The following CROCC variants were observed in gnomAD, a reference collection of about 807,000 sequenced individuals.
The protein encoded by CROCC is ciliary rootlet coiled-coil, rootletin, also known as rootletin.
A neutral mutation model predicts 245.2 loss-of-function variants in CROCC; 180 were observed. The observed-to-expected ratio is 0.73, with a 90% confidence interval of 0.65 to 0.83. The LOEUF (loss-of-function observed/expected upper bound fraction) is 0.83, where lower values mean the gene tolerates loss of function less well. CROCC is among the 40% of genes least tolerant of loss of function. The pLI is 0.00. For synonymous variants in CROCC, 1,205 were observed against 1,241.6 expected (o/e 0.97, Z 0.62); for missense variants, 2,688 against 2,779.4 (o/e 0.97, Z 0.74).
chr1:16,963,941 G>A (rs1311555747), intron 27 of CROCC, among the ~76,000 whole-genome samples: 10 of 151,704 alleles, frequency 6.6e-5, no homozygotes, highest in South Asian at 4.2e-4. Flanking sequence ...GACTACAGGC[G>A]TGCACCACTG....
intron 27 of CROCC, among the ~76,000 whole-genome samples, chr1:16,962,724 A>G (rs1298776065): frequency 6.7e-6 from 1 of 148,418 alleles, no homozygotes; most frequent in Non-Finnish European, 1.5e-5. Context: ...ATATACATAT[A>G]TATATATGTA....
intron 4 of CROCC, 21 bp from the exon 5 acceptor site, chr1:16,930,103 C>G: frequency 6.3e-7 from 1 of 1,581,698 alleles, no homozygotes; most frequent in Non-Finnish European, 8.6e-7. Flanking sequence ...CTGGGGCTCA[C>G]CATCAGCTCC....
chr1:16,925,585 G>T (rs1383665630), intron 3 of CROCC, among the ~76,000 whole-genome samples: 1 of 152,288 alleles, frequency 6.6e-6, no homozygotes, highest in Non-Finnish European at 1.5e-5. Context: ...GGGACCCAGA[G>T]AGGCAGGGGC....
At chr1:16,944,595 T>C (rs2076006212) in intron 14 of CROCC, among the ~76,000 whole-genome samples, 1 of 152,302 alleles carries the variant, frequency 6.6e-6, no homozygotes, top group Admixed American at 6.5e-5. Flanking sequence ...ATATCCTTAC[T>C]AATTTCACTA....
At chr1:16,924,263 G>GTT (rs1459648316) in intron 2 of CROCC, 62 bp from the exon 3 acceptor site, 2 of 1,582,150 alleles carry the variant, frequency 1.3e-6, no homozygotes, top group Non-Finnish European at 1.7e-6. Context: ...TGCCCTCCCT[G>GTT]TTGGGGGGAG....
At position 16,954,819 on chromosome 1, in the gene CROCC, G is replaced by A; in HGVS notation, c.3407G>A (p.Arg1136Lys). The A allele has an allele frequency of 6.4e-7, 1 of 1,551,806 alleles. No homozygotes were observed. The highest frequency in any genetic ancestry group is 1.2e-5 in the South Asian group (1 of 84,250). Residue 1136 changes from arginine to lysine, a missense_variant, in exon 23 of 37, where the codon AGG becomes AAG. Coordinates refer to ENST00000375541, the MANE Select transcript of CROCC (RefSeq NM_014675.5). This position sits in a 1 kb window ranked among gnomAD's most constrained non-coding sequence, Gnocchi z 4.4. ...EAAAAHAQEVRRLQEQARDLG... is the reference protein window; with the variant it reads ...EAAAAHAQEVKRLQEQARDLG... Reference sequence around the variant, plus strand: ...GCTGCGGCCCACGCCCAGGAGGTGAGGAGGCTGCAAGAGCAGGCCCGAGAC... The same window carrying A: ...GCTGCGGCCCACGCCCAGGAGGTGAAGAGGCTGCAAGAGCAGGCCCGAGAC...
At chr1:16,947,257 A>G (rs1271065732) in intron 17 of CROCC, among the ~76,000 whole-genome samples, 1 of 152,260 alleles carries the variant, frequency 6.6e-6, no homozygotes, top group African/African-American at 2.4e-5. Flanking sequence ...CGGGTGGATC[A>G]CCTGAGGTCC....
upstream of CROCC, among the ~76,000 whole-genome samples, chr1:16,921,082 G>A (rs1489887777): frequency 6.6e-6 from 1 of 152,286 alleles, no homozygotes; most frequent in Non-Finnish European, 1.5e-5. Flanking sequence ...AATGAAATGA[G>A]TATTTCTTGA....
Position 16,972,516 on chromosome 1 carries a change from C to A in CROCC, c.*70C>A, listed in dbSNP as rs555547135. 2.1e-5 allele frequency: 22 copies of A among 1,027,932 alleles called. No homozygotes were observed. The South Asian group carries it at 2.2e-4, about 10-fold the overall frequency. 63.7% of individuals were successfully genotyped at this position (1,027,932 alleles called of 1,614,324 possible). A position where few individuals can be genotyped will look rare whatever the true frequency, so the allele number is the denominator to read the frequency against. ...GAGGACCCTTCTTTTGGACAGCCCC[C>A]CCACCCAGAGCCCGGTCCCTTGGGG... On this transcript the variant is annotated 3_prime_UTR_variant, in exon 37 of 37. Coordinates refer to ENST00000375541, the MANE Select transcript of CROCC (RefSeq NM_014675.5).
chr1:16,968,440 A>G (rs1466118439), intron 31 of CROCC, 22 bp downstream of exon 31: 7 of 1,461,934 alleles, frequency 4.8e-6, no homozygotes, highest in South Asian at 2.9e-5. Flanking sequence ...CCCAAATCAC[A>G]GCCACAGTGT....
intron 8 of CROCC, among the ~76,000 whole-genome samples, chr1:16,935,878 C>T (rs1035691117): frequency 1.3e-5 from 2 of 152,262 alleles, no homozygotes; most frequent in Non-Finnish European, 2.9e-5. Context: ...AAGCCATCTC[C>T]TCTGTGCTGG....
At chr1:16,916,341 A>G (rs1021053530) in intron 1 of CROCC, among the ~76,000 whole-genome samples, 1 of 152,254 alleles carries the variant, frequency 6.6e-6, no homozygotes, top group Non-Finnish European at 1.5e-5. Context: ...GAGGGGTATG[A>G]CCTTTACTGT....
chr1:16,920,945 T>G (rs1468415786), upstream of CROCC, among the ~76,000 whole-genome samples: 1 of 152,252 alleles, frequency 6.6e-6, no homozygotes, highest in Non-Finnish European at 1.5e-5. Context: ...GGTTTCACCA[T>G]ATTGGTCAGG....
intron 11 of CROCC, 48 bp from the exon 12 acceptor site, chr1:16,938,861 C>G (rs373419893): frequency 1.3e-6 from 2 of 1,564,330 alleles, no homozygotes; most frequent in Admixed American, 1.8e-5. Flanking sequence ...GCTAACCCCG[C>G]GGTTCCTAAC....
Position 16,958,753 on chromosome 1 carries a change from A to G in CROCC, c.4032+3A>G, listed in dbSNP as rs1479888245. On this transcript the variant is annotated splice_donor_region_variant and intron_variant, in intron 26 of 36. Transcript: ENST00000375541. Reference sequence around the variant, plus strand: ...GCCTGGAGGTGATGCGGCAGGAGGTAACTGAGCAGGCGGGCAGGCTGGTGC... The same window carrying G: ...GCCTGGAGGTGATGCGGCAGGAGGTGACTGAGCAGGCGGGCAGGCTGGTGC... 4 of 1,557,068 alleles carry G rather than the reference A, an allele frequency of 2.6e-6. No homozygotes were observed. Among genetic ancestry groups the G allele is most frequent in the Admixed American group, 3.9e-5 (2 of 51,704 alleles).
intron 8 of CROCC, among the ~76,000 whole-genome samples, chr1:16,935,037 T>C (rs1271942654): frequency 6.6e-5 from 10 of 152,172 alleles, no homozygotes; most frequent in African/African-American, 2.4e-4. Context: ...GTAGCTGGGA[T>C]TACAGGCATG....
intron 28 of CROCC, 27 bp from the exon 29 acceptor site, chr1:16,965,972 C>G (rs759656149): frequency 6.2e-7 from 1 of 1,608,314 alleles, no homozygotes; most frequent in South Asian, 1.1e-5. Flanking sequence ...AGGGGTCTGT[C>G]TTTGTTCCCC....
Position 16,939,908 on chromosome 1 carries a change from C to T in CROCC, c.1623C>T (p.Arg541=), listed in dbSNP as rs371675635. The change falls in exon 13 of 37, where the codon CGC becomes CGT. Residue 541 remains arginine, a synonymous_variant. Transcript: ENST00000375541. ...RQLQVQDMRG[R]YEASQDLLGT... ...CCACACCCCAGGACATGCGTGGGCG[C>T]TATGAGGCAAGCCAGGACCTACTGG... 14 of 1,612,248 alleles carry T rather than the reference C, an allele frequency of 8.7e-6. No individual in the cohort carries two copies. Among genetic ancestry groups the T allele is most frequent in the Non-Finnish European group, 1.2e-5 (14 of 1,179,788 alleles).
At position 16,955,353 on chromosome 1, in the gene CROCC, C is replaced by G; in HGVS notation, c.3507C>G (p.Ala1169=). 6.2e-7 allele frequency: 1 copy of G among 1,608,416 alleles called. No individual in the cohort carries two copies. Among genetic ancestry groups the G allele is most frequent in the Non-Finnish European group, 8.5e-7 (1 of 1,179,688 alleles). Residue 1169 remains alanine, a synonymous_variant, in exon 24 of 37, where the codon GCC becomes GCG. Transcript: ENST00000375541. ...CCCAGCTGCGTCTGCTGGAGGATGCCCGTGACGGGCTGCGGCGGGAGCTGC... is the reference window on the plus strand; with the variant it reads ...CCCAGCTGCGTCTGCTGGAGGATGCGCGTGACGGGCTGCGGCGGGAGCTGC... ...LRTQLRLLED[A]RDGLRRELLE... is the part of the protein sequence containing the mutation.
Sources: gnomAD v4.1 joint callset for allele counts (sites outside exome capture counted in the v4.1 genomes callset) on GRCh38, gnomAD v4.1.1 for gene constraint, Gnocchi (gnomAD v3.1) non-coding constraint, MANE v1.5 for transcripts, NCBI Gene and HGNC (gene_info 2026-07-23, HGNC 2026-07-21) for gene names.